The following SHROOM3 variants were observed in gnomAD, a reference collection of about 807,000 sequenced individuals.
SHROOM3 encodes shroom family member 3.
SHROOM3 carries 47 observed loss-of-function variants against 138.6 expected under a neutral mutation model. The ratio of observed to expected loss-of-function variants is 0.34; its 90% CI spans 0.27 to 0.43. SHROOM3 has a LOEUF of 0.43. SHROOM3 is among the 20% of genes least tolerant of loss of function. The pLI, the probability that SHROOM3 is intolerant of heterozygous loss-of-function variation, is 1.00. For synonymous variants in SHROOM3, 1,062 were observed against 1,063.3 expected, an observed-to-expected ratio of 1.00 and a Z score of 0.02; for missense variants, 2,491 against 2,596.5, an observed-to-expected ratio of 0.96 and a Z score of 0.88.
intron 1 of SHROOM3, among the ~76,000 whole-genome samples, chr4:76,442,072 T>C (rs1730703356): frequency 6.6e-6 from 1 of 152,224 alleles, no homozygotes. Context: ...TAAAGGTAGT[T>C]GTTTGCATTT....
At chr4:76,689,521 T>C in intron 2 of SHROOM3, 1 of 983,340 alleles carries the variant, frequency 1.0e-6, no homozygotes, top group Non-Finnish European at 1.2e-6. Flanking sequence ...ACCGTGCAGC[T>C]GTAGCCGCGG....
intron 2 of SHROOM3, among the ~76,000 whole-genome samples, chr4:76,582,654 G>A (rs1292352617): frequency 6.6e-6 from 1 of 152,098 alleles, no homozygotes; most frequent in Non-Finnish European, 1.5e-5. Flanking sequence ...CTAGCTTTGA[G>A]AGAAAAAAAT....
intron 2 of SHROOM3, among the ~76,000 whole-genome samples, chr4:76,621,830 CTT>C (rs1437662557): frequency 1.9e-4 from 25 of 133,256 alleles, no homozygotes; most frequent in South Asian, 2.5e-4. Context: ...TTTGAATGTT[CTT>C]TTTTTTTTTT....
At chr4:76,672,917 G>T (rs1226401117) in intron 2 of SHROOM3, among the ~76,000 whole-genome samples, 1 of 152,158 alleles carries the variant, frequency 6.6e-6, no homozygotes, top group Non-Finnish European at 1.5e-5. Context: ...CTTGCATTAA[G>T]GGGATTCTGC....
intron 1 of SHROOM3, among the ~76,000 whole-genome samples, chr4:76,462,449 A>G (rs1731159268): frequency 6.6e-6 from 1 of 152,104 alleles, no homozygotes; most frequent in Non-Finnish European, 1.5e-5. Flanking sequence ...GGTAGATCCT[A>G]TAAGATAGAC....
In SHROOM3 at chr4:76,739,335, C is replaced by T. The variant is rs374883048; in HGVS notation, c.1162C>T (p.Arg388Trp). 1.3e-5 allele frequency: 21 copies of T among 1,613,822 alleles called. No individual in the cohort carries two copies. The highest frequency in any genetic ancestry group is 6.7e-5 in the African/African-American group (5 of 74,932). ...PKVGAPLPPA[R>W]SDSYAAFRHR... ...GGTGGGTGCACCCCTGCCTCCAGCT[C>T]GGAGTGACAGTTACGCAGCATTTCG... is the stretch of plus-strand genomic sequence containing the variant. The change falls in exon 5 of 11, where the codon CGG (arginine) becomes TGG (tryptophan). Residue 388 changes from arginine (R) to tryptophan (W), a missense_variant. Transcript: ENST00000296043.
rs985129042 is a variant in SHROOM3 at position 76,779,290 on chromosome 4, C to A, written c.*113C>A. 4.2e-6 allele frequency: 6 copies of A among 1,427,646 alleles called. No homozygotes were observed. In the African/African-American group the frequency reaches 8.6e-5, roughly 20 times the overall value. The allele number at this position is 1,427,646 out of a possible 1,614,324, so 88.4% of individuals were successfully genotyped here. On this transcript the variant is annotated 3_prime_UTR_variant, in exon 11 of 11. Transcript: ENST00000296043. The stretch of plus-strand genomic sequence containing the variant: ...ACTATCTGGGTTATTGGTGTTTGTT[C>A]CTGATGAAAGGAAAAAAATTCTCTC...
chr4:76,574,581 T>C (rs1449231820), intron 2 of SHROOM3, among the ~76,000 whole-genome samples: 1 of 152,200 alleles, frequency 6.6e-6, no homozygotes, highest in Non-Finnish European at 1.5e-5. Flanking sequence ...TTAATCTAAT[T>C]GATTGATTAG....
chr4:76,461,243 G>A (rs1731136996), intron 1 of SHROOM3, among the ~76,000 whole-genome samples: 2 of 152,102 alleles, frequency 1.3e-5, no homozygotes, highest in South Asian at 4.2e-4. Context: ...GACCAGGATT[G>A]ACTCTAGTAT....
chr4:76,508,867 A>G (rs1336422161), intron 1 of SHROOM3, among the ~76,000 whole-genome samples: 1 of 152,230 alleles, frequency 6.6e-6, no homozygotes, highest in Non-Finnish European at 1.5e-5. Flanking sequence ...GGATCAGAGC[A>G]CCAGCAGATT....
intron 10 of SHROOM3, among the ~76,000 whole-genome samples, chr4:76,777,077 C>A (rs953715338): frequency 2.0e-5 from 3 of 151,988 alleles, no homozygotes; most frequent in Non-Finnish European, 4.4e-5. Flanking sequence ...TTTGGCTATG[C>A]GGGCTCTTTT....
In SHROOM3 at chr4:76,708,954, T is replaced by C. The variant is rs142322536; in HGVS notation, c.324-1202T>C. ...ATCCTAAATTCGGTGAGAAAAGTAA[T>C]GTACAGAAGGAGGTGGTGGTGCTTA... On this transcript the variant is annotated intron_variant, in intron 2 of 10. Coordinates refer to ENST00000296043, the MANE Select transcript of SHROOM3 (RefSeq NM_020859.4). Among the ~76,000 whole-genome samples, 5 of 152,312 alleles carry C rather than the reference T, an allele frequency of 3.3e-5. No individual in the cohort carries two copies. In the East Asian group the frequency reaches 5.8e-4, roughly 18 times the overall value.
intron 1 of SHROOM3, among the ~76,000 whole-genome samples, chr4:76,461,512 T>A (rs1331688911): frequency 6.6e-6 from 1 of 152,174 alleles, no homozygotes; most frequent in African/African-American, 2.4e-5. Context: ...ATACAGAGAA[T>A]AAGTATAAAG....
At chr4:76,774,213 T>C (rs1464496222) in intron 10 of SHROOM3, among the ~76,000 whole-genome samples, 1 of 152,194 alleles carries the variant, frequency 6.6e-6, no homozygotes, top group Non-Finnish European at 1.5e-5. Flanking sequence ...CAAGAAAGAC[T>C]GGAGCAGTTT....
At chr4:76,598,129 G>C (rs1352947498) in intron 2 of SHROOM3, among the ~76,000 whole-genome samples, 4 of 151,868 alleles carry the variant, frequency 2.6e-5, no homozygotes, top group African/African-American at 7.3e-5. Flanking sequence ...GGGTTCATGG[G>C]CATTCTCCTG....
At position 76,740,940 on chromosome 4, in the gene SHROOM3, G is replaced by T. The variant is rs866493575; in HGVS notation, c.2767G>T (p.Ala923Ser). ...CCTGCTGGATGCCCCCTTCAGCCGCGCCTACCGGAACAGCATCAAGGACGC... is the reference window on the plus strand; with the variant it reads ...CCTGCTGGATGCCCCCTTCAGCCGCTCCTACCGGAACAGCATCAAGGACGC... Reference protein sequence around the residue: ...SPLLDAPFSRAYRNSIKDAQS... With the variant: ...SPLLDAPFSRSYRNSIKDAQS... The change falls in exon 5 of 11, where the codon GCC becomes TCC. Residue 923 changes from alanine to serine, a missense_variant. Ala to Ser is a moderately conservative substitution (Grantham distance 99). Coordinates refer to ENST00000296043, the MANE Select transcript of SHROOM3 (RefSeq NM_020859.4). The surrounding 1 kb of genome is among the most constrained non-coding windows in gnomAD (Gnocchi z 4.0). 1 of 1,496,942 alleles carries T rather than the reference G, an allele frequency of 6.7e-7. No homozygotes were observed. Among genetic ancestry groups the T allele is most frequent in the African/African-American group, 1.4e-5 (1 of 71,126 alleles). 92.7% of individuals were successfully genotyped at this position (1,496,942 alleles called of 1,614,324 possible).
chr4:76,741,353 C>T lies in SHROOM3; in HGVS notation c.3180C>T (p.Leu1060=), dbSNP rs1721249404. The change falls in exon 5 of 11, where the codon CTC becomes CTT. Residue 1060 remains leucine, a synonymous_variant. Transcript: ENST00000296043. This position sits in a 1 kb window ranked among gnomAD's most constrained non-coding sequence, Gnocchi z 6.2. ...PESSVADRRR[L]FERDGKACST... ...GCAGCGTGGCCGACCGGCGCCGTCT[C>T]TTCGAGCGCGATGGCAAGGCCTGCT... 2.5e-6 allele frequency: 4 copies of T among 1,609,120 alleles called. No homozygotes were observed. Among genetic ancestry groups the T allele is most frequent in the Non-Finnish European group, 3.4e-6 (4 of 1,178,478 alleles).
chr4:76,525,217 A>T (rs767921535), intron 1 of SHROOM3, among the ~76,000 whole-genome samples: 27 of 152,178 alleles, frequency 1.8e-4, no homozygotes, highest in Non-Finnish European at 2.2e-4. Context: ...GGAAACTTAC[A>T]GTCATGGTGG....
intron 2 of SHROOM3, among the ~76,000 whole-genome samples, chr4:76,697,564 T>C (rs891802607): frequency 6.6e-6 from 1 of 152,140 alleles, no homozygotes; most frequent in South Asian, 2.1e-4. Flanking sequence ...TCTGGAGCCT[T>C]ATAATAGGTT....
Sources: gnomAD v4.1 joint callset for allele counts (sites outside exome capture counted in the v4.1 genomes callset) on GRCh38, gnomAD v4.1.1 for gene constraint, Gnocchi (gnomAD v3.1) non-coding constraint, MANE v1.5 for transcripts, NCBI Gene and HGNC (gene_info 2026-07-23, HGNC 2026-07-21) for gene names.